SPNS3: variants seen among roughly 807,000 people sequenced by gnomAD.
The protein encoded by SPNS3 is SPNS lysolipid transporter 3, sphingosine-1-phosphate (putative).
Under a neutral mutation model 54.4 loss-of-function variants are expected in SPNS3, and 51 were observed. That is an observed-to-expected ratio of 0.94 (90% CI 0.75 to 1.18). The LOEUF (loss-of-function observed/expected upper bound fraction) is 1.18. Ranked by LOEUF, SPNS3 falls within the 50% of genes most tolerant of loss-of-function variation. The pLI is 0.00. For synonymous variants in SPNS3, 309 were observed against 294.7 expected (o/e 1.05, Z -0.50); for missense variants, 669 against 677.4 (o/e 0.99, Z 0.14).
chr17:4,486,949 G>A lies in SPNS3; in HGVS notation c.1450+366G>A, dbSNP rs1390519007. Among the ~76,000 whole-genome samples, 3 of 151,996 alleles carry A rather than the reference G, an allele frequency of 2.0e-5. No individual in the cohort carries two copies. The highest frequency in any genetic ancestry group is 2.9e-5 in the Non-Finnish European group (2 of 67,966). On this transcript the variant is annotated intron_variant, in intron 11 of 11. Coordinates refer to ENST00000355530, the MANE Select transcript of SPNS3 (RefSeq NM_182538.5). This position sits in a 1 kb window ranked among gnomAD's most constrained non-coding sequence, Gnocchi z 5.5. ...AGTACTTGGGGAGGCCAAGGCGGGC[G>A]GATTACAAGGTTAGGAGTTCAAGAC...
At chr17:4,472,774 C>CATTTTTTTTTTTTTTTTT (rs1567572187) in intron 8 of SPNS3, among the ~76,000 whole-genome samples, 16 of 50,972 alleles carry the variant, frequency 3.1e-4, no homozygotes, top group African/African-American at 1.4e-3. Flanking sequence ...GCTTGGCAGC[C>CATTTTTTTTTTTTTTTTT]TTTTTTTTTT....
intron 8 of SPNS3, among the ~76,000 whole-genome samples, chr17:4,460,038 T>G (rs560886094): frequency 2.0e-5 from 3 of 152,170 alleles, no homozygotes; most frequent in African/African-American, 7.2e-5. Context: ...GTGAATTATG[T>G]GGATATTCGG....
chr17:4,446,610 C>T (rs1970994550), intron 4 of SPNS3: 3 of 547,238 alleles, frequency 5.5e-6, no homozygotes, highest in South Asian at 2.3e-5. Flanking sequence ...ACTTGCCTGA[C>T]TCAAGCAGGG....
intron 1 of SPNS3, among the ~76,000 whole-genome samples, chr17:4,439,126 C>G (rs1970784254): frequency 6.6e-6 from 1 of 150,568 alleles, no homozygotes; most frequent in Non-Finnish European, 1.5e-5. Context: ...CTTTCTTTTT[C>G]TTTCTTTTTT....
intron 8 of SPNS3, among the ~76,000 whole-genome samples, chr17:4,475,881 C>A (rs1033854537): frequency 2.0e-5 from 3 of 152,190 alleles, no homozygotes; most frequent in African/African-American, 7.2e-5. Flanking sequence ...AACGCTAGGA[C>A]CCAGCATGCA....
intron 8 of SPNS3, among the ~76,000 whole-genome samples, chr17:4,471,765 C>G (rs1046677373): frequency 4.6e-5 from 7 of 152,082 alleles, no homozygotes; most frequent in Non-Finnish European, 8.8e-5. Flanking sequence ...TGTGCCCGGT[C>G]TGAATTAATA....
chr17:4,455,288 T>C (rs1971277116), intron 8 of SPNS3, among the ~76,000 whole-genome samples: 1 of 152,200 alleles, frequency 6.6e-6, no homozygotes, highest in Non-Finnish European at 1.5e-5. Flanking sequence ...TTGTTCTCCT[T>C]GTTCCATCTT....
chr17:4,438,578 C>T (rs1238771984), intron 1 of SPNS3, among the ~76,000 whole-genome samples: 1 of 152,246 alleles, frequency 6.6e-6, no homozygotes, highest in Non-Finnish European at 1.5e-5. Flanking sequence ...TCTCTCTCTA[C>T]ATTAGGCTGG....
chr17:4,437,559 T>C (rs8069392), intron 1 of SPNS3, among the ~76,000 whole-genome samples: 92,840 of 151,166 alleles, frequency 0.61, 29,143 homozygotes, highest in Non-Finnish European at 0.65. Context: ...CCCAGCTACT[T>C]GGGAGGCCGA....
intron 7 of SPNS3, among the ~76,000 whole-genome samples, chr17:4,452,668 G>T (rs1388141069): frequency 6.6e-6 from 1 of 152,052 alleles, no homozygotes; most frequent in Non-Finnish European, 1.5e-5. Flanking sequence ...TTCAGATTTT[G>T]AGTGGGGCAG....
intron 9 of SPNS3, among the ~76,000 whole-genome samples, chr17:4,484,326 A>G (rs1012718519): frequency 3.3e-5 from 5 of 152,170 alleles, no homozygotes; most frequent in Non-Finnish European, 7.3e-5. Flanking sequence ...TTATTATTTT[A>G]TTATTATTTT....
chr17:4,455,536 G>T (rs1029479668), intron 8 of SPNS3, among the ~76,000 whole-genome samples: 7 of 152,176 alleles, frequency 4.6e-5, no homozygotes, highest in African/African-American at 1.7e-4. Flanking sequence ...TTGATGCAAG[G>T]GTTGCCTTTC....
At chr17:4,450,329 C>T (rs540065560) in intron 7 of SPNS3, among the ~76,000 whole-genome samples, 1 of 132,316 alleles carries the variant, frequency 7.6e-6, no homozygotes, top group East Asian at 2.0e-4. Context: ...TTCTCCCTCC[C>T]TCCCTCTCCC....
chr17:4,436,372 C>T (rs1379348191), intron 1 of SPNS3, among the ~76,000 whole-genome samples: 1 of 152,090 alleles, frequency 6.6e-6, no homozygotes, highest in Non-Finnish European at 1.5e-5. Flanking sequence ...AGCTTCTCCT[C>T]ACATGAGGTC....
In SPNS3 at chr17:4,486,143, TC is replaced by T; in HGVS notation, c.1180-83del. The T allele has an allele frequency of 7.9e-7, 1 of 1,258,586 alleles. No homozygotes were observed. Among genetic ancestry groups the T allele is most frequent in the Non-Finnish European group, 1.1e-6 (1 of 939,466 alleles). 78.0% of individuals were successfully genotyped at this position (1,258,586 alleles called of 1,614,324 possible). On this transcript the variant is annotated intron_variant, in intron 9 of 11. Coordinates refer to ENST00000355530, the MANE Select transcript of SPNS3 (RefSeq NM_182538.5). This position sits in a 1 kb window ranked among gnomAD's most constrained non-coding sequence, Gnocchi z 5.5. ...ACTCACCTGAATGGCCTGTCACTCC[TC>T]CAGGCAGGTCCTTGGCAGGTGGGGA...
intron 1 of SPNS3, among the ~76,000 whole-genome samples, chr17:4,435,467 AT>A (rs1970692134): frequency 6.7e-6 from 1 of 149,776 alleles, no homozygotes; most frequent in Non-Finnish European, 1.5e-5. Flanking sequence ...AAAATAAAAA[AT>A]AAATAAATAA....
In SPNS3 at chr17:4,483,308, A is replaced by C. The variant is rs1291730883; in HGVS notation, c.1180-2920A>C. On this transcript the variant is annotated intron_variant, in intron 9 of 11. Transcript: ENST00000355530. The surrounding 1 kb of genome is among the most constrained non-coding windows in gnomAD (Gnocchi z 4.2). Reference sequence around the variant, plus strand: ...AGAAACAGAGGTGTTTTTGTCTCAGAATAGAGTGAGCCTGGATTTTTGGGA... The same window carrying C: ...AGAAACAGAGGTGTTTTTGTCTCAGCATAGAGTGAGCCTGGATTTTTGGGA... 6.6e-6 allele frequency: 1 copy of C among 152,220 alleles called. No homozygotes were observed. Among genetic ancestry groups the C allele is most frequent in the Non-Finnish European group, 1.5e-5 (1 of 68,048 alleles). 9.4% of individuals were successfully genotyped at this position (152,220 alleles called of 1,614,324 possible).
intron 8 of SPNS3, among the ~76,000 whole-genome samples, chr17:4,463,753 A>AG (rs1971605461): frequency 6.6e-6 from 1 of 151,710 alleles, no homozygotes; most frequent in Non-Finnish European, 1.5e-5. Flanking sequence ...AAAAAAAAAA[A>AG]GAATATACTT....
At chr17:4,473,848 G>T (rs1480545135) in intron 8 of SPNS3, among the ~76,000 whole-genome samples, 2 of 152,222 alleles carry the variant, frequency 1.3e-5, no homozygotes, top group Non-Finnish European at 2.9e-5. Context: ...TGCAGGGGAT[G>T]GCTGTGGGAT....
Sources: allele counts gnomAD v4.1 joint callset (sites outside exome capture counted in the v4.1 genomes callset), GRCh38; gene constraint gnomAD v4.1.1; non-coding constraint Gnocchi (gnomAD v3.1); transcripts MANE v1.5; gene names NCBI Gene and HGNC (gene_info 2026-07-23, HGNC 2026-07-21).